Variants in PLSCR5 observed in about 807,000 individuals in gnomAD.
PLSCR5 encodes the protein phospholipid scramblase family, member 5.
Under a neutral mutation model 33.6 loss-of-function variants are expected in PLSCR5, and 44 were observed. The ratio of observed to expected loss-of-function variants is 1.31; its 90% CI spans 1.03 to 1.69. The LOEUF is 1.69. PLSCR5 is among the 40% of genes most tolerant of loss of function. PLSCR5 has a pLI of 0.00. For missense variants in PLSCR5, 375 were observed against 318.7 expected (o/e 1.18, Z -1.34); for synonymous variants, 148 against 112.3 (o/e 1.32, Z -2.01).
downstream of PLSCR5, among the ~76,000 whole-genome samples, chr3:146,582,700 T>G (rs1021475695): frequency 6.6e-6 from 1 of 152,192 alleles, no homozygotes; most frequent in African/African-American, 2.4e-5. Flanking sequence ...AAACTGTCTC[T>G]ATAAATCTAA....
intron 2 of PLSCR5, among the ~76,000 whole-genome samples, chr3:146,595,909 A>G (rs1483631998): frequency 2.0e-5 from 3 of 152,198 alleles, no homozygotes; most frequent in Admixed American, 2.0e-4. Context: ...CTGAAAGGTT[A>G]TTGTATACAT....
At chr3:146,582,144 G>A (rs1397038282), downstream of PLSCR5, among the ~76,000 whole-genome samples, 1 of 152,218 alleles carries the variant, frequency 6.6e-6, no homozygotes, top group Non-Finnish European at 1.5e-5. Context: ...ACAGAGAGTA[G>A]GTAGGAAGAA....
In PLSCR5 at chr3:146,593,906, A is replaced by G; in HGVS notation, c.453+14T>C. On this transcript the variant is annotated intron_variant, in intron 4 of 7. Transcript: ENST00000443512. ...CTTAAAAATCAAAAAGGACAACCAG[A>G]GCCAGTAACTAACCTCTTGTAGGTA... The G allele has an allele frequency of 1.2e-6, 2 of 1,605,342 alleles. No homozygotes were observed. Among genetic ancestry groups the G allele is most frequent in the South Asian group, 2.2e-5 (2 of 90,840 alleles).
intron 2 of PLSCR5, 72 bp from the exon 3 acceptor site, chr3:146,595,155 T>G (rs1367352808): frequency 3.9e-6 from 3 of 768,650 alleles, no homozygotes; most frequent in Admixed American, 3.7e-5. Flanking sequence ...ATACTACTAG[T>G]ACCCTATTTA....
At chr3:146,576,850 A>G (rs1158698897) in intron 7 of PLSCR5, 2 of 152,094 alleles carry the variant, frequency 1.3e-5, no homozygotes, top group Non-Finnish European at 2.9e-5. Flanking sequence ...TAAAGTCTAT[A>G]TAAGTAAGCC....
intron 6 of PLSCR5, among the ~76,000 whole-genome samples, chr3:146,587,200 G>A (rs757520350): frequency 6.6e-6 from 1 of 152,122 alleles, no homozygotes; most frequent in African/African-American, 2.4e-5. Flanking sequence ...GAGCTTCTAG[G>A]TGGTGCAGAT....
At chr3:146,592,057 A>G (rs1035837084) in intron 4 of PLSCR5, among the ~76,000 whole-genome samples, 176 bp from the exon 5 acceptor site, 1 of 152,106 alleles carries the variant, frequency 6.6e-6, no homozygotes, top group Admixed American at 6.6e-5. Flanking sequence ...TTTACAGAAA[A>G]CAAAGAAATT....
intron 7 of PLSCR5, among the ~76,000 whole-genome samples, chr3:146,579,732 G>T (rs1041290954): frequency 6.6e-6 from 1 of 152,172 alleles, no homozygotes; most frequent in Admixed American, 6.6e-5. Flanking sequence ...CCTAGAAGAT[G>T]CTTTGGCCAA....
chr3:146,595,202 A>C, intron 2 of PLSCR5, 119 bp from the exon 3 acceptor site: 1 of 481,242 alleles, frequency 2.1e-6, no homozygotes. Flanking sequence ...CATGCTTTCT[A>C]TTAGGAAAAC....
chr3:146,597,307 A>G (rs2044769570), intron 2 of PLSCR5, among the ~76,000 whole-genome samples: 1 of 152,170 alleles, frequency 6.6e-6, no homozygotes, highest in African/African-American at 2.4e-5. Flanking sequence ...AAACTCAGAG[A>G]GATAAATATC....
chr3:146,588,677 T>C (rs116718313), intron 6 of PLSCR5, among the ~76,000 whole-genome samples: 2,424 of 152,224 alleles, frequency 0.016, 58 homozygotes, highest in African/African-American at 0.055. Flanking sequence ...AGAAAGGACA[T>C]CATTATGCAA....
intron 2 of PLSCR5, among the ~76,000 whole-genome samples, chr3:146,597,802 G>T (rs1174083513): frequency 6.6e-6 from 1 of 152,046 alleles, no homozygotes. Context: ...ACAATGAGAG[G>T]ATTAGATGTA....
chr3:146,594,083 C>A lies in PLSCR5; in HGVS notation c.290G>T (p.Arg97Ile), dbSNP rs1264847790. The stretch of plus-strand genomic sequence containing the variant: ...GCTTTCCTCCACTGCAAAGTAAATT[C>A]TTTGTCCCAAGCTGTTTTTAATCTC... ...KYEIKNSLGQ[R>I]IYFAVEESIC... is the part of the protein sequence containing the mutation. The change falls in exon 4 of 8, where the codon AGA becomes ATA. Residue 97 changes from arginine (R) to isoleucine (I), a missense_variant. Arg to Ile is a moderately conservative substitution (Grantham distance 97, BLOSUM62 -3). Transcript: ENST00000443512. 2 of 1,613,754 alleles carry A rather than the reference C, an allele frequency of 1.2e-6. No individual in the cohort carries two copies. Among genetic ancestry groups the A allele is most frequent in the East Asian group, 4.5e-5 (2 of 44,858 alleles).
At chr3:146,600,536 T>C (rs2044804333) in intron 1 of PLSCR5, 73 bp from the exon 2 acceptor site, 3 of 1,314,032 alleles carry the variant, frequency 2.3e-6, no homozygotes, top group Non-Finnish European at 1.0e-6. Context: ...AAAGTATTTG[T>C]TACTTCTTGA....
chr3:146,595,148 C>T (rs1392732236), intron 2 of PLSCR5, 65 bp from the exon 3 acceptor site: 21 of 909,252 alleles, frequency 2.3e-5, no homozygotes, highest in Non-Finnish European at 2.9e-5. Flanking sequence ...TTTGGAGATA[C>T]TACTAGTACC....
chr3:146,591,898 T>C lies in PLSCR5; in HGVS notation c.454-17A>G. ...GATTTCTAACTGTAAGAAGAGATAATGATAAAATAAGATTTTCTTAGGTTA... is the reference window on the plus strand; with the variant it reads ...GATTTCTAACTGTAAGAAGAGATAACGATAAAATAAGATTTTCTTAGGTTA... On this transcript the variant is annotated splice_polypyrimidine_tract_variant and intron_variant, in intron 4 of 7. Coordinates refer to ENST00000443512, the MANE Select transcript of PLSCR5 (RefSeq NM_001085420.2). 1 of 1,556,440 alleles carries C rather than the reference T, an allele frequency of 6.4e-7. No homozygotes were observed. Among genetic ancestry groups the C allele is most frequent in the Non-Finnish European group, 8.7e-7 (1 of 1,150,354 alleles).
chr3:146,603,311 G>A (rs1472402801), intron 1 of PLSCR5, among the ~76,000 whole-genome samples: 1 of 152,078 alleles, frequency 6.6e-6, no homozygotes, highest in African/African-American at 2.4e-5. Context: ...CCACAAAAAT[G>A]TTTTACTTAG....
intron 6 of PLSCR5, among the ~76,000 whole-genome samples, chr3:146,587,050 G>A (rs955652401): frequency 1.3e-5 from 2 of 152,180 alleles, no homozygotes; most frequent in African/African-American, 4.8e-5. Context: ...GAGTTTAAAA[G>A]TTATCCTTTT....
At chr3:146,595,799 T>G (rs531989038) in intron 2 of PLSCR5, among the ~76,000 whole-genome samples, 1 of 152,312 alleles carries the variant, frequency 6.6e-6, no homozygotes, top group East Asian at 1.9e-4. Context: ...ACAATAATGA[T>G]TTGAATGCCT....
Sources: gnomAD v4.1 joint callset for allele counts (sites outside exome capture counted in the v4.1 genomes callset) on GRCh38, gnomAD v4.1.1 for gene constraint, MANE v1.5 for transcripts, NCBI Gene and HGNC (gene_info 2026-07-23, HGNC 2026-07-21) for gene names.